KDSR: variants seen among roughly 807,000 people sequenced by gnomAD.
The protein encoded by KDSR is 3-dehydrosphinganine reductase.
A neutral mutation model predicts 41.3 loss-of-function variants in KDSR; 23 were observed. The observed-to-expected ratio is 0.56, with a 90% CI of 0.40 to 0.79. The LOEUF is 0.79. Ranked by LOEUF, KDSR falls within the 30% of genes least tolerant of loss-of-function variation. KDSR has a pLI of 0.00. For missense variants in KDSR, 351 were observed against 416.8 expected, an observed-to-expected ratio of 0.84 and a Z score of 1.37; for synonymous variants, 138 against 151.7, an observed-to-expected ratio of 0.91 and a Z score of 0.66.
At chr18:63,350,807 T>C (rs924888281) in intron 6 of KDSR, 81 bp downstream of exon 6, 4 of 1,016,356 alleles carry the variant, frequency 3.9e-6, no homozygotes, top group East Asian at 5.1e-5. Flanking sequence ...CAACAACACA[T>C]GTAAAGAAGC....
At chr18:63,355,988 C>T (rs536358106) in intron 3 of KDSR, among the ~76,000 whole-genome samples, 2 of 152,084 alleles carry the variant, frequency 1.3e-5, no homozygotes, top group African/African-American at 4.8e-5. Context: ...AGGAAACAGC[C>T]CTCTTTGCAA....
rs1313747645 is a variant in KDSR, at chr18:63,329,810, C to T, written c.*1972G>A. The T allele has an allele frequency of 5.1e-6, 1 of 194,656 alleles. No homozygotes were observed. Among genetic ancestry groups the T allele is most frequent in the African/African-American group, 2.3e-5 (1 of 43,194 alleles). 12.1% of individuals were successfully genotyped at this position (194,656 alleles called of 1,614,324 possible). A position where few individuals can be genotyped will look rare whatever the true frequency, so the allele number is the denominator to read the frequency against. Reference sequence around the variant, plus strand: ...GTAGAAGGTGCCAACATTCGAGGAACATTTATGAGAAAAGAATAAAACTGA... The same window carrying T: ...GTAGAAGGTGCCAACATTCGAGGAATATTTATGAGAAAAGAATAAAACTGA... On this transcript the variant is annotated 3_prime_UTR_variant, in exon 10 of 10. Coordinates refer to ENST00000645214, the MANE Select transcript of KDSR (RefSeq NM_002035.4).
rs543127784 is a variant in KDSR at position 63,332,667 on chromosome 18, TA to T, written c.880-767del. On this transcript the variant is annotated intron_variant, in intron 9 of 9. Coordinates refer to ENST00000645214, the MANE Select transcript of KDSR (RefSeq NM_002035.4). ...TAACACGGTGAAACCCCATCTCTAC[TA>T]AAAATACAAAAAAATTATCCGCGTG... Among the ~76,000 whole-genome samples the T allele has an allele frequency of 4.4e-3, 670 of 152,002 alleles. 6 individuals are homozygous for T. Among genetic ancestry groups the T allele is most frequent in the African/African-American group, 0.015 (626 of 41,458 alleles).
intron 1 of KDSR, among the ~76,000 whole-genome samples, chr18:63,364,882 CA>C (rs1915091029): frequency 6.6e-6 from 1 of 152,206 alleles, no homozygotes; most frequent in Non-Finnish European, 1.5e-5. Context: ...ATAGCTGCAT[CA>C]AAACTTCAAC....
At chr18:63,347,621 T>C (rs1178081717) in intron 6 of KDSR, among the ~76,000 whole-genome samples, 2 of 151,806 alleles carry the variant, frequency 1.3e-5, no homozygotes, top group Non-Finnish European at 2.9e-5. Context: ...GCTGTTTACA[T>C]GAAACTCCAG....
At chr18:63,339,726 A>C (rs938609094) in intron 7 of KDSR, among the ~76,000 whole-genome samples, 1 of 152,168 alleles carries the variant, frequency 6.6e-6, no homozygotes, top group Non-Finnish European at 1.5e-5. Flanking sequence ...TTTTGTAAGA[A>C]ATTATTTATC....
chr18:63,328,686 T>C lies in KDSR; in HGVS notation c.*3096A>G, dbSNP rs1568272408. On this transcript the variant is annotated 3_prime_UTR_variant, in exon 10 of 10. Coordinates refer to ENST00000645214, the MANE Select transcript of KDSR (RefSeq NM_002035.4). ...AGAGAAAGATTTATAACTAAATATA[T>C]AGAAAAGAATAATTCCCATGATTTT... 1 of 174,230 alleles carries C rather than the reference T, an allele frequency of 5.7e-6. No individual in the cohort carries two copies. 10.8% of individuals were successfully genotyped at this position (174,230 alleles called of 1,614,324 possible).
intron 8 of KDSR, among the ~76,000 whole-genome samples, chr18:63,337,058 ATATATATGTGACTT>A (rs1914180546): frequency 1.3e-5 from 2 of 148,570 alleles, no homozygotes; most frequent in Non-Finnish European, 3.0e-5. Context: ...AAGTCACTTT[ATATATATGTGACTT>A]TATATATATA....
chr18:63,347,102 G>A (rs1914527501), intron 6 of KDSR, among the ~76,000 whole-genome samples: 2 of 152,028 alleles, frequency 1.3e-5, no homozygotes, highest in African/African-American at 4.8e-5. Context: ...CCTGTTGCCT[G>A]ACCATTCTCT....
At chr18:63,335,154 A>T in intron 9 of KDSR, 103 bp downstream of exon 9, 1 of 681,308 alleles carries the variant, frequency 1.5e-6, no homozygotes, top group Non-Finnish European at 2.6e-6. Context: ...TGTCAAATAA[A>T]GTTACTTAGT....
At position 63,330,341 on chromosome 18, in the gene KDSR, A is replaced by T; in HGVS notation, c.*1441T>A. On this transcript the variant is annotated 3_prime_UTR_variant, in exon 10 of 10. Transcript: ENST00000645214. ...CGTATATGCAAGGAAGACAGGTTACAAGATCAAGGTGAAGGCAGCTCTCCT... is the reference window on the plus strand; with the variant it reads ...CGTATATGCAAGGAAGACAGGTTACTAGATCAAGGTGAAGGCAGCTCTCCT... 1 of 225,140 alleles carries T rather than the reference A, an allele frequency of 4.4e-6. No individual in the cohort carries two copies. The highest frequency in any genetic ancestry group is 8.9e-6 in the Non-Finnish European group (1 of 112,992). The allele number at this position is 225,140 out of a possible 1,614,324, so 13.9% of individuals were successfully genotyped here.
chr18:63,329,467 A>C lies in KDSR; in HGVS notation c.*2315T>G, dbSNP rs1303607307. On this transcript the variant is annotated 3_prime_UTR_variant, in exon 10 of 10. Coordinates refer to ENST00000645214, the MANE Select transcript of KDSR (RefSeq NM_002035.4). ...ACGGTATCAAATTTAGAAAAACACAAACCAACTTAGATTTCGAAGTTTCTT... is the reference window on the plus strand; with the variant it reads ...ACGGTATCAAATTTAGAAAAACACACACCAACTTAGATTTCGAAGTTTCTT... 4.9e-6 allele frequency: 1 copy of C among 206,052 alleles called. No individual in the cohort carries two copies. The highest frequency in any genetic ancestry group is 9.9e-6 in the Non-Finnish European group (1 of 100,880). 12.8% of individuals were successfully genotyped at this position (206,052 alleles called of 1,614,324 possible). A position where few individuals can be genotyped will look rare whatever the true frequency, so the allele number is the denominator to read the frequency against.
chr18:63,331,893 G>A lies in KDSR; in HGVS notation c.888C>T (p.Thr296=). ...SITEGLQQVV[T]MGLFRTIALF... ...AAGCAATAGTGCGGAAAAGGCCCAT[G>A]GTGACCACCTGCAAGATAAAGAGAG... Residue 296 remains threonine (T), a synonymous_variant, in exon 10 of 10, where the codon ACC becomes ACT. Transcript: ENST00000645214. The A allele has an allele frequency of 6.2e-7, 1 of 1,613,616 alleles. No homozygotes were observed. The highest frequency in any genetic ancestry group is 8.5e-7 in the Non-Finnish European group (1 of 1,179,758).
chr18:63,344,704 A>G (rs1914445883), intron 6 of KDSR: 2 of 465,766 alleles, frequency 4.3e-6, no homozygotes, highest in Non-Finnish European at 7.7e-6. Flanking sequence ...CCTGGACCCC[A>G]GAAAACAGCT....
rs545751085 is a variant in KDSR at position 63,361,608 on chromosome 18, A to G, written c.198+1171T>C. Among the ~76,000 whole-genome samples, 27 of 152,198 alleles carry G rather than the reference A, an allele frequency of 1.8e-4. No individual in the cohort carries two copies. In the East Asian group the frequency reaches 5.0e-3, roughly 28 times the overall value. On this transcript the variant is annotated intron_variant, in intron 2 of 9. Coordinates refer to ENST00000645214, the MANE Select transcript of KDSR (RefSeq NM_002035.4). Reference sequence around the variant, plus strand: ...AAGGCGGGCGGATCACAAGGTCAGGAGTTCCAGACCAGCCTGACCAACATG... The same window carrying G: ...AAGGCGGGCGGATCACAAGGTCAGGGGTTCCAGACCAGCCTGACCAACATG...
In KDSR at chr18:63,329,553, G is replaced by A. The variant is rs773475611; in HGVS notation, c.*2229C>T. 5.0e-5 allele frequency: 10 copies of A among 201,650 alleles called. No homozygotes were observed. Among genetic ancestry groups the A allele is most frequent in the Non-Finnish European group, 1.0e-4 (10 of 98,120 alleles). The allele number at this position is 201,650 out of a possible 1,614,324, so 12.5% of individuals were successfully genotyped here. A position where few individuals can be genotyped will look rare whatever the true frequency, so the allele number is the denominator to read the frequency against. ...AGGAAATTTCTTCTCTGACATGATGGTCTCTGCAAATCTGCTCTCATATTT... is the reference window on the plus strand; with the variant it reads ...AGGAAATTTCTTCTCTGACATGATGATCTCTGCAAATCTGCTCTCATATTT... On this transcript the variant is annotated 3_prime_UTR_variant, in exon 10 of 10. Coordinates refer to ENST00000645214, the MANE Select transcript of KDSR (RefSeq NM_002035.4).
intron 8 of KDSR, among the ~76,000 whole-genome samples, chr18:63,337,026 A>G (rs1465152537): frequency 6.6e-6 from 1 of 151,160 alleles, no homozygotes; most frequent in Non-Finnish European, 1.5e-5. Context: ...TGTTTTGAAA[A>G]GTAGTAAATT....
chr18:63,354,240 G>C (rs1175329543), intron 5 of KDSR, among the ~76,000 whole-genome samples: 1 of 152,124 alleles, frequency 6.6e-6, no homozygotes, highest in Non-Finnish European at 1.5e-5. Flanking sequence ...GCTTGAGCCC[G>C]GGAGGCAGAG....
At chr18:63,366,254 C>G (rs1483797839) in intron 1 of KDSR, 2 of 152,356 alleles carry the variant, frequency 1.3e-5, no homozygotes, top group Non-Finnish European at 2.9e-5. Context: ...TCACACCTAT[C>G]CACCTCTCCT....
Sources: gnomAD v4.1 joint callset for allele counts (sites outside exome capture counted in the v4.1 genomes callset) on GRCh38, gnomAD v4.1.1 for gene constraint, MANE v1.5 for transcripts, NCBI Gene and HGNC (gene_info 2026-07-23, HGNC 2026-07-21) for gene names.